MTM1: variants seen among roughly 807,000 people sequenced by gnomAD.
The protein encoded by MTM1 is myotubularin 1.
MTM1 carries 9 observed loss-of-function variants against 52.1 expected under a neutral mutation model. That is an observed-to-expected ratio of 0.17 (90% CI 0.10 to 0.30). The LOEUF (loss-of-function observed/expected upper bound fraction) is 0.30, where lower values mean the gene tolerates loss of function less well. MTM1 is among the 10% of genes least tolerant of loss of function. The pLI, the probability that MTM1 is intolerant of heterozygous loss-of-function variation, is 1.00. For missense variants in MTM1, 277 were observed against 470.7 expected (o/e 0.59, Z 3.81); for synonymous variants, 136 against 163.8 (o/e 0.83, Z 1.29).
At chrX:150,665,697 C>T (rs1341397874) in intron 14 of MTM1, among the ~76,000 whole-genome samples, 1 of 112,183 alleles carries the variant, frequency 8.9e-6, no homozygotes, top group East Asian at 2.8e-4. Flanking sequence ...TCAAAGAAGG[C>T]AGGATTAGTG....
chrX:150,631,985 A>G (rs1053244907), intron 6 of MTM1, among the ~76,000 whole-genome samples: 2 of 112,057 alleles, frequency 1.8e-5, no homozygotes, highest in African/African-American at 3.2e-5. Flanking sequence ...GCTGTATAAG[A>G]TGTTGCACTG....
intron 1 of MTM1, among the ~76,000 whole-genome samples, chrX:150,592,194 T>G (rs1339638271): frequency 4.4e-5 from 5 of 112,405 alleles, no homozygotes; most frequent in Admixed American, 2.8e-4. Flanking sequence ...TGTCCATTCT[T>G]TTTTCATTCT....
At chrX:150,603,334 G>T (rs1388356147) in intron 4 of MTM1, among the ~76,000 whole-genome samples, 1 of 111,940 alleles carries the variant, frequency 8.9e-6, no homozygotes, top group Non-Finnish European at 1.9e-5. Context: ...CAGTTAAGCA[G>T]TATGCAAGTT....
At chrX:150,570,227 A>G (rs2038343653) in intron 1 of MTM1, among the ~76,000 whole-genome samples, 1 of 97,515 alleles carries the variant, frequency 1.0e-5, no homozygotes, top group African/African-American at 4.7e-5. Context: ...GTGGGGAGGC[A>G]CACAATAAAA....
intron 1 of MTM1, among the ~76,000 whole-genome samples, chrX:150,583,231 A>ATATATAAATTATAAATTTATATAATT (rs1483932136): frequency 1.4e-5 from 1 of 69,475 alleles, no homozygotes; most frequent in Non-Finnish European, 2.4e-5. Flanking sequence ...TATATAAATT[A>ATATATAAATTATAAATTTATATAATT]TATATAAATT....
At position 150,672,738 on chromosome X, in the gene MTM1, T is replaced by C. The variant is rs2040414159; in HGVS notation, c.*1143T>C. 8.9e-6 allele frequency: 1 copy of C among 112,455 alleles called. No homozygotes were observed. Among genetic ancestry groups the C allele is most frequent in the African/African-American group, 3.2e-5 (1 of 30,978 alleles). 9.3% of individuals were successfully genotyped at this position (112,455 alleles called of 1,213,427 possible). A position where few individuals can be genotyped will look rare whatever the true frequency, so the allele number is the denominator to read the frequency against. On this transcript the variant is annotated 3_prime_UTR_variant, in exon 15 of 15. Coordinates refer to ENST00000370396, the MANE Select transcript of MTM1 (RefSeq NM_000252.3). ...TATTTGCTATCTGAACTAATTCATTTATTAAGTATATTTGTAAAAGCTAAG... is the reference window on the plus strand; with the variant it reads ...TATTTGCTATCTGAACTAATTCATTCATTAAGTATATTTGTAAAAGCTAAG...
intron 3 of MTM1, among the ~76,000 whole-genome samples, chrX:150,597,551 T>G (rs985755358): frequency 2.7e-5 from 3 of 111,951 alleles, no homozygotes; most frequent in Non-Finnish European, 5.6e-5. Context: ...TAGCATAAAG[T>G]AGCTTTATTA....
chrX:150,592,669 A>G lies in MTM1; in HGVS notation c.55A>G (p.Ile19Val). The change falls in exon 2 of 15, where the codon ATT becomes GTT. Residue 19 changes from isoleucine (I) to valine (V), a missense_variant. Ile to Val is a conservative substitution (Grantham distance 29). Around this residue, in one of 4 missense-constraint regions of MTM1, gnomAD observed 164 missense variants for 283.3 expected, o/e 0.58. Coordinates refer to ENST00000370396, the MANE Select transcript of MTM1 (RefSeq NM_000252.3). The stretch of plus-strand genomic sequence containing the variant: ...TTCACACTCCTTGGAGAATGAGTCT[A>G]TTAAGAGGGTAAGTTGAATTTTCAG... ...YNSHSLENES[I>V]KRTSRDGVNR... is the part of the protein sequence containing the mutation. 8.6e-7 allele frequency: 1 copy of G among 1,157,892 alleles called. No individual in the cohort carries two copies.
chrX:150,618,310 G>A (rs1228455499), intron 5 of MTM1, among the ~76,000 whole-genome samples: 3 of 111,830 alleles, frequency 2.7e-5, no homozygotes, highest in African/African-American at 6.5e-5. Flanking sequence ...ATATTTGATA[G>A]CAGGTACTCT....
intron 13 of MTM1, among the ~76,000 whole-genome samples, chrX:150,662,701 A>C (rs1603207946): frequency 1.8e-5 from 2 of 111,133 alleles, no homozygotes; most frequent in East Asian, 5.6e-4. Flanking sequence ...TTCTTATTAA[A>C]GTCATTACTA....
At chrX:150,575,037 A>G (rs1603089298) in intron 1 of MTM1, among the ~76,000 whole-genome samples, 1 of 112,345 alleles carries the variant, frequency 8.9e-6, no homozygotes, top group East Asian at 2.8e-4. Flanking sequence ...CTCCGCTGCA[A>G]CTTCCTGCAG....
At chrX:150,659,628 T>C (rs1037390746) in intron 11 of MTM1, 36 bp from the exon 12 acceptor site, 3 of 1,110,906 alleles carry the variant, frequency 2.7e-6, no homozygotes, top group Admixed American at 4.4e-5. Context: ...TTTGTACCCA[T>C]TAATTAAAAC....
chrX:150,656,809 G>A (rs782019238), intron 10 of MTM1, among the ~76,000 whole-genome samples: 4 of 111,907 alleles, frequency 3.6e-5, no homozygotes, highest in Admixed American at 1.9e-4. Context: ...ACATGTGGGC[G>A]AAGGATATGA....
chrX:150,639,055 T>C (rs1557413789), intron 7 of MTM1, 29 bp downstream of exon 7: 2 of 1,069,732 alleles, frequency 1.9e-6, no homozygotes, highest in South Asian at 3.7e-5. Flanking sequence ...TTGTCTGGTA[T>C]GTGATGAACC....
intron 2 of MTM1, 115 bp downstream of exon 2, chrX:150,592,792 A>ACATT: frequency 1.9e-6 from 1 of 524,808 alleles, no homozygotes; most frequent in Non-Finnish European, 3.3e-6. Flanking sequence ...TCATTCACAT[A>ACATT]TAAATACATT....
At chrX:150,598,366 C>T (rs897011467) in intron 3 of MTM1, among the ~76,000 whole-genome samples, 1 of 112,027 alleles carries the variant, frequency 8.9e-6, no homozygotes, top group South Asian at 3.7e-4. Flanking sequence ...CTCAGGGAAG[C>T]ACTGTTAGTG....
At chrX:150,593,894 A>T (rs1340542691) in intron 2 of MTM1, among the ~76,000 whole-genome samples, 2 of 105,877 alleles carry the variant, frequency 1.9e-5, no homozygotes, top group African/African-American at 6.9e-5. Context: ...TGAGCCTGGG[A>T]GGCAGAGGTT....
chrX:150,641,013 G>A (rs1326599639), intron 7 of MTM1, among the ~76,000 whole-genome samples: 3 of 111,843 alleles, frequency 2.7e-5, no homozygotes, highest in African/African-American at 9.8e-5. Context: ...AAAGGAAGAC[G>A]AATTCCTTTG....
In MTM1 at chrX:150,639,241, G is replaced by A. The variant is rs782527007; in HGVS notation, c.528+215G>A. ...TCCATTGCCATATGCAAGCTGCATC[G>A]AAGACTGGGTCACTAAATCCTATTT... On this transcript the variant is annotated intron_variant, in intron 7 of 14. Coordinates refer to ENST00000370396, the MANE Select transcript of MTM1 (RefSeq NM_000252.3). Among the ~76,000 whole-genome samples the A allele has an allele frequency of 1.5e-4, 17 of 112,059 alleles. 1 individual carries two copies. The South Asian group carries it at 5.2e-3, about 34-fold the overall frequency.
Sources: allele counts gnomAD v4.1 joint callset (sites outside exome capture counted in the v4.1 genomes callset), GRCh38; gene constraint gnomAD v4.1.1; regional missense constraint gnomAD v4.1.1; transcripts MANE v1.5; gene names NCBI Gene and HGNC (gene_info 2026-07-23, HGNC 2026-07-21).